TMEM64: variants seen among roughly 807,000 people sequenced by gnomAD.
The protein encoded by TMEM64 is transmembrane protein 64.
A neutral mutation model predicts 24.5 loss-of-function variants in TMEM64; 19 were observed. The observed-to-expected ratio is 0.78, with a 90% CI of 0.54 to 1.14. The LOEUF (loss-of-function observed/expected upper bound fraction) is 1.14. TMEM64 is among the 50% of genes most tolerant of loss of function. The probability of loss-of-function intolerance (pLI) is 0.00; values close to 1 mark genes in which losing one functional copy is unlikely to be tolerated. For missense variants in TMEM64, 487 were observed against 493.0 expected, an observed-to-expected ratio of 0.99 and a Z score of 0.12; for synonymous variants, 262 against 224.7, an observed-to-expected ratio of 1.17 and a Z score of -1.49.
rs913032988 is a variant in TMEM64, at chr8:90,645,816, G to C, written c.90C>G (p.Arg30=). ...ALPGLAELPA[R]WALPRGAGGD... is the part of the protein sequence containing the mutation. ...CGCCCGCACCCCGCGGCAGGGCCCAGCGGGCCGGCAGCTCGGCGAGGCCCG... is the reference window on the plus strand; with the variant it reads ...CGCCCGCACCCCGCGGCAGGGCCCACCGGGCCGGCAGCTCGGCGAGGCCCG... Residue 30 remains arginine, a synonymous_variant, in exon 1 of 3, where the codon CGC becomes CGG. Coordinates refer to ENST00000458549, the MANE Select transcript of TMEM64 (RefSeq NM_001008495.4). This position sits in a 1 kb window ranked among gnomAD's most constrained non-coding sequence, Gnocchi z 4.2. 2.3e-5 allele frequency: 24 copies of C among 1,048,534 alleles called. No homozygotes were observed. In the African/African-American group the frequency reaches 3.6e-4, roughly 16 times the overall value. 65.0% of individuals were successfully genotyped at this position (1,048,534 alleles called of 1,614,324 possible).
intron 1 of TMEM64, among the ~76,000 whole-genome samples, chr8:90,642,198 T>C (rs1248708725): frequency 6.6e-6 from 1 of 152,062 alleles, no homozygotes; most frequent in Non-Finnish European, 1.5e-5. Context: ...CCAGACAAAA[T>C]ACTTAATGCC....
intron 1 of TMEM64, among the ~76,000 whole-genome samples, chr8:90,632,176 T>TGATCAGACAGAGTC (rs1809449711): frequency 6.6e-6 from 1 of 152,218 alleles, no homozygotes; most frequent in African/African-American, 2.4e-5. Flanking sequence ...GATCAGAGTC[T>TGATCAGACAGAGTC]TGCTCTGTCG....
chr8:90,636,268 T>A (rs958867558), intron 1 of TMEM64, among the ~76,000 whole-genome samples: 2 of 152,032 alleles, frequency 1.3e-5, no homozygotes, highest in African/African-American at 2.4e-5. Context: ...TTATATATAT[T>A]TTTTTGAGAG....
Position 90,645,336 on chromosome 8 carries a change from G to A in TMEM64, c.570C>T (p.Gly190=). The change falls in exon 1 of 3, where the codon GGC becomes GGT. Residue 190 remains glycine (G), a synonymous_variant. Transcript: ENST00000458549. The surrounding 1 kb of genome is among the most constrained non-coding windows in gnomAD (Gnocchi z 4.2). ...TCATCAGACCCATGCCCAGCACGAA[G>A]CCGTACAGGTAGCCAGCGGCCACGT... ...VLNVAAGYLY[G]FVLGMGLMMV... is the part of the protein sequence containing the mutation. 6 of 1,558,838 alleles carry A rather than the reference G, an allele frequency of 3.8e-6. No individual in the cohort carries two copies. The highest frequency in any genetic ancestry group is 5.2e-6 in the Non-Finnish European group (6 of 1,151,018).
chr8:90,631,959 T>C, intron 1 of TMEM64, among the ~76,000 whole-genome samples: 1 of 152,356 alleles, frequency 6.6e-6, no homozygotes, highest in East Asian at 1.9e-4. Flanking sequence ...TGACTATTTT[T>C]TCTTTCATGT....
In TMEM64 at chr8:90,624,608, T is replaced by C. The variant is rs918291442; in HGVS notation, c.*1063A>G. The stretch of plus-strand genomic sequence containing the variant: ...ACAAGTACTGAAAAAACAAACACAA[T>C]AAACCTACTTAAAGTAGGGCAAATA... On this transcript the variant is annotated 3_prime_UTR_variant, in exon 3 of 3. Coordinates refer to ENST00000458549, the MANE Select transcript of TMEM64 (RefSeq NM_001008495.4). 2.6e-5 allele frequency: 4 copies of C among 152,360 alleles called. No homozygotes were observed. Among genetic ancestry groups the C allele is most frequent in the Non-Finnish European group, 5.9e-5 (4 of 67,886 alleles). 9.4% of individuals were successfully genotyped at this position (152,360 alleles called of 1,614,324 possible). A position where few individuals can be genotyped will look rare whatever the true frequency, so the allele number is the denominator to read the frequency against.
chr8:90,628,805 G>T lies in TMEM64; in HGVS notation c.951+2747C>A, dbSNP rs142368610. 3.6e-3 allele frequency among the ~76,000 whole-genome samples: 543 copies of T among 152,234 alleles called. 3 individuals carry two copies. The highest frequency in any genetic ancestry group is 0.012 in the African/African-American group (516 of 41,534). ...AGACACTCAAAGAAAATGCTCATTC[G>T]AACACTTTAGATTCCAGACATTTGG... On this transcript the variant is annotated intron_variant, in intron 2 of 2. Coordinates refer to ENST00000458549, the MANE Select transcript of TMEM64 (RefSeq NM_001008495.4).
At chr8:90,636,651 G>A (rs532674947) in intron 1 of TMEM64, among the ~76,000 whole-genome samples, 1 of 152,270 alleles carries the variant, frequency 6.6e-6, no homozygotes, top group African/African-American at 2.4e-5. Flanking sequence ...GTTCCCACAA[G>A]GAGATGCATC....
intron 1 of TMEM64, among the ~76,000 whole-genome samples, chr8:90,635,319 G>C (rs527833398): frequency 1.3e-5 from 2 of 152,220 alleles, no homozygotes; most frequent in African/African-American, 2.4e-5. Flanking sequence ...GATGAGGAAG[G>C]CAGGTGTTTC....
At chr8:90,633,163 C>T (rs1245302640) in intron 1 of TMEM64, among the ~76,000 whole-genome samples, 2 of 152,156 alleles carry the variant, frequency 1.3e-5, no homozygotes, top group Non-Finnish European at 2.9e-5. Context: ...TGAGGAGATG[C>T]CACTTCCAAA....
chr8:90,637,265 A>G (rs1429595484), intron 1 of TMEM64, among the ~76,000 whole-genome samples: 3 of 152,236 alleles, frequency 2.0e-5, no homozygotes, highest in African/African-American at 4.8e-5. Context: ...TCTTAGGCAC[A>G]GCACCAAGCA....
rs1333984998 is a variant in TMEM64, at chr8:90,624,480, C to T, written c.*1191G>A. ...TATGAATCATATGCCAAATTATATT[C>T]TATAGTCATAAGTGCTATTAATAAA... is the stretch of plus-strand genomic sequence containing the variant. On this transcript the variant is annotated 3_prime_UTR_variant, in exon 3 of 3. Coordinates refer to ENST00000458549, the MANE Select transcript of TMEM64 (RefSeq NM_001008495.4). 6.6e-6 allele frequency: 1 copy of T among 152,104 alleles called. No homozygotes were observed. The highest frequency in any genetic ancestry group is 1.5e-5 in the Non-Finnish European group (1 of 67,910). 9.4% of individuals were successfully genotyped at this position (152,104 alleles called of 1,614,324 possible).
At chr8:90,638,089 C>T (rs968112179) in intron 1 of TMEM64, among the ~76,000 whole-genome samples, 1 of 151,776 alleles carries the variant, frequency 6.6e-6, no homozygotes, top group African/African-American at 2.4e-5. Flanking sequence ...CCTGACTACA[C>T]AGACTACCCC....
intron 1 of TMEM64, among the ~76,000 whole-genome samples, chr8:90,644,219 CTTTT>C (rs1230808534): frequency 6.6e-6 from 1 of 152,184 alleles, no homozygotes; most frequent in Non-Finnish European, 1.5e-5. Flanking sequence ...TGGTAATCTA[CTTTT>C]TTAAGTCCTT....
At position 90,631,681 on chromosome 8, in the gene TMEM64, A is replaced by G. The variant is rs1251944176; in HGVS notation, c.822T>C (p.Tyr274=). Residue 274 remains tyrosine, a synonymous_variant, in exon 2 of 3, where the codon TAT becomes TAC. Coordinates refer to ENST00000458549, the MANE Select transcript of TMEM64 (RefSeq NM_001008495.4). The part of the protein sequence containing the change: ...FSITDLSLPN[Y]LMASSVGLLP... ...GCAGTCCAACCGAAGATGCCATCAG[A>G]TAGTTGGGTAATGAGAGATCAGTAA... 2 of 1,613,728 alleles carry G rather than the reference A, an allele frequency of 1.2e-6. No homozygotes were observed. The highest frequency in any genetic ancestry group is 1.7e-6 in the Non-Finnish European group (2 of 1,179,678).
At chr8:90,626,351 T>G (rs1370967443) in intron 2 of TMEM64, among the ~76,000 whole-genome samples, 1 of 152,154 alleles carries the variant, frequency 6.6e-6, no homozygotes, top group Non-Finnish European at 1.5e-5. Flanking sequence ...TACAGACCAC[T>G]TAAAAAAATG....
At chr8:90,635,403 A>ATTTTATTTTATTTT (rs1554548923) in intron 1 of TMEM64, among the ~76,000 whole-genome samples, 2 of 147,706 alleles carry the variant, frequency 1.4e-5, no homozygotes, top group African/African-American at 5.2e-5. Flanking sequence ...ATTTTATTTT[A>ATTTTATTTTATTTT]TTTTTTTTGA....
At chr8:90,629,260 AT>A (rs746738725) in intron 2 of TMEM64, among the ~76,000 whole-genome samples, 21 of 152,210 alleles carry the variant, frequency 1.4e-4, no homozygotes, top group Non-Finnish European at 1.8e-4. Context: ...ACTGTCTTGT[AT>A]TCTAAGCTTA....
In TMEM64 at chr8:90,637,882, C is replaced by T. The variant is rs535399264; in HGVS notation, c.796-6175G>A. Among the ~76,000 whole-genome samples the T allele has an allele frequency of 1.9e-3, 295 of 152,274 alleles. 1 individual carries two copies. The highest frequency in any genetic ancestry group is 6.9e-3 in the African/African-American group (286 of 41,552). On this transcript the variant is annotated intron_variant, in intron 1 of 2. Coordinates refer to ENST00000458549, the MANE Select transcript of TMEM64 (RefSeq NM_001008495.4). ...AAACATTAACTACCTATTCTCTTTC[C>T]TTTGCTCCCCAAAATACCTCTTCAT... is the stretch of plus-strand genomic sequence containing the variant.
Sources: allele counts gnomAD v4.1 joint callset (sites outside exome capture counted in the v4.1 genomes callset), GRCh38; gene constraint gnomAD v4.1.1; non-coding constraint Gnocchi (gnomAD v3.1); transcripts MANE v1.5; gene names NCBI Gene and HGNC (gene_info 2026-07-23, HGNC 2026-07-21).